Variants in SAMD12 observed in about 807,000 individuals in gnomAD.
The protein encoded by SAMD12 is sterile alpha motif domain-containing protein 12.
A neutral mutation model predicts 15.0 loss-of-function variants in SAMD12; 9 were observed. That is an observed-to-expected ratio of 0.60 (90% CI 0.36 to 1.05). The LOEUF (loss-of-function observed/expected upper bound fraction) is 1.05. Ranked by LOEUF, SAMD12 falls within the 50% of genes least tolerant of loss-of-function variation. The probability of loss-of-function intolerance (pLI) is 0.01; values close to 1 mark genes in which losing one functional copy is unlikely to be tolerated. For missense variants in SAMD12, 230 were observed against 234.2 expected, an observed-to-expected ratio of 0.98 and a Z score of 0.12; for synonymous variants, 86 against 90.1, an observed-to-expected ratio of 0.96 and a Z score of 0.25.
the SAMD12 span, among the ~76,000 whole-genome samples, chr8:118,158,970 T>C: frequency 1.3e-5 from 2 of 152,088 alleles, no homozygotes; most frequent in Non-Finnish European, 2.9e-5. Context: ...GTTGTCCATA[T>C]ACCTCACTCT....
intron 2 of SAMD12, among the ~76,000 whole-genome samples, chr8:118,474,391 T>TTTG (rs200038060): frequency 0.022 from 3,349 of 152,210 alleles, 118 homozygotes; most frequent in African/African-American, 0.077. Context: ...AAACAATTTT[T>TTTG]TTTGTTTTGA....
At chr8:118,380,901 C>G (rs1294558318) in intron 3 of SAMD12, among the ~76,000 whole-genome samples, 3 of 152,180 alleles carry the variant, frequency 2.0e-5, no homozygotes, top group Non-Finnish European at 4.4e-5. Context: ...TTAGTGGCTA[C>G]AACAAACTTT....
At chr8:118,173,472 C>T in the SAMD12 span, among the ~76,000 whole-genome samples, 53 of 151,876 alleles carry the variant, frequency 3.5e-4, no homozygotes, top group African/African-American at 1.2e-3. Context: ...TTACAAGGCC[C>T]TGTCTTTTAG....
At chr8:118,440,657 AACACACACACACACACAC>A (rs34419362) in intron 2 of SAMD12, among the ~76,000 whole-genome samples, 5 of 142,130 alleles carry the variant, frequency 3.5e-5, no homozygotes, top group African/African-American at 8.0e-5. Flanking sequence ...TTATGAGGAA[AACACACACACACACACAC>A]ACACACACAC....
chr8:118,327,456 T>G, intron 4 of SAMD12, among the ~76,000 whole-genome samples: 1 of 152,182 alleles, frequency 6.6e-6, no homozygotes, highest in East Asian at 1.9e-4. Context: ...TATAAACAGG[T>G]GTCAATTAAA....
the SAMD12 span, among the ~76,000 whole-genome samples, chr8:118,165,415 G>A: frequency 2.0e-5 from 3 of 151,680 alleles, no homozygotes; most frequent in East Asian, 5.8e-4. Context: ...CAGCAAACTG[G>A]GAGCTAATTT....
the SAMD12 span, among the ~76,000 whole-genome samples, chr8:118,159,502 A>C: frequency 6.6e-5 from 10 of 152,296 alleles, no homozygotes; most frequent in South Asian, 2.1e-3. Flanking sequence ...CTGAGTGAGC[A>C]GAATAAGCCC....
At chr8:118,290,534 C>T (rs1477795364) in intron 4 of SAMD12, among the ~76,000 whole-genome samples, 1 of 152,116 alleles carries the variant, frequency 6.6e-6, no homozygotes, top group Admixed American at 6.6e-5. Flanking sequence ...TCATATTAAC[C>T]CATAATATGA....
intron 3 of SAMD12, among the ~76,000 whole-genome samples, chr8:118,430,857 TG>T (rs369606977): frequency 4.6e-5 from 7 of 152,232 alleles, no homozygotes; most frequent in African/African-American, 1.7e-4. Flanking sequence ...TGACAATCTC[TG>T]TCTTTTAACT....
intron 4 of SAMD12, among the ~76,000 whole-genome samples, chr8:118,228,837 T>A (rs1812241904): frequency 6.6e-6 from 1 of 152,192 alleles, no homozygotes; most frequent in African/African-American, 2.4e-5. Flanking sequence ...TACTTGCATA[T>A]GCATGTTTAT....
intron 4 of SAMD12, among the ~76,000 whole-genome samples, chr8:118,225,003 G>C (rs1279654467): frequency 6.6e-6 from 1 of 152,154 alleles, no homozygotes; most frequent in Non-Finnish European, 1.5e-5. Context: ...ACCTATTACA[G>C]ATATTTCTCA....
chr8:118,497,727 G>GT (rs933069473), intron 2 of SAMD12, among the ~76,000 whole-genome samples: 2 of 117,594 alleles, frequency 1.7e-5, no homozygotes, highest in Non-Finnish European at 3.5e-5. Context: ...AAGTTGCGGG[G>GT]GGGGGTGGGG....
At chr8:118,447,279 C>T (rs1822942109) in intron 2 of SAMD12, among the ~76,000 whole-genome samples, 1 of 151,706 alleles carries the variant, frequency 6.6e-6, no homozygotes, top group South Asian at 2.1e-4. Context: ...CTGTTCTTTC[C>T]TTCCTTCCCC....
chr8:118,204,685 C>T (rs1275251990), intron 4 of SAMD12, among the ~76,000 whole-genome samples: 1 of 151,852 alleles, frequency 6.6e-6, no homozygotes, highest in Admixed American at 6.6e-5. Flanking sequence ...ACCTGGGAGG[C>T]GGGGCTTGCA....
chr8:118,614,929 C>A (rs1216246292), intron 1 of SAMD12, among the ~76,000 whole-genome samples: 1 of 152,184 alleles, frequency 6.6e-6, no homozygotes, highest in Non-Finnish European at 1.5e-5. Context: ...GGGGAGGAAT[C>A]AACTTGATTT....
chr8:118,191,756 T>TTCTCTCTCTCTCTCTCTCTCTC (rs1819380190), exon 5 of SAMD12: 2 of 15,360 alleles, frequency 1.3e-4, no homozygotes, highest in African/African-American at 4.3e-4. Context: ...ATACTGGAGA[T>TTCTCTCTCTCTCTCTCTCTCTC]TATATATATA....
intron 2 of SAMD12, among the ~76,000 whole-genome samples, chr8:118,536,740 AGTT>A (rs1195251786): frequency 6.6e-6 from 1 of 152,146 alleles, no homozygotes. Context: ...TGTATTGAAA[AGTT>A]GTTGTAGTTA....
chr8:118,540,970 A>G (rs1174805774), intron 2 of SAMD12, among the ~76,000 whole-genome samples: 1 of 152,210 alleles, frequency 6.6e-6, no homozygotes, highest in Non-Finnish European at 1.5e-5. Context: ...AGAAGATGAA[A>G]TGATGCTGGG....
At chr8:118,293,642 A>C (rs1814540661) in intron 4 of SAMD12, among the ~76,000 whole-genome samples, 1 of 152,196 alleles carries the variant, frequency 6.6e-6, no homozygotes, top group Admixed American at 6.5e-5. Context: ...CACTGTGGTG[A>C]AAATTGGAAC....
Sources: allele counts gnomAD v4.1 joint callset (sites outside exome capture counted in the v4.1 genomes callset), GRCh38; gene constraint gnomAD v4.1.1; transcripts MANE v1.5; gene names NCBI Gene and HGNC (gene_info 2026-07-23, HGNC 2026-07-21).